The following BRI3 variants were observed in gnomAD, a reference collection of about 807,000 sequenced individuals.
The protein encoded by BRI3 is membrane protein BRI3.
BRI3 carries 6 observed loss-of-function variants against 12.8 expected under a neutral mutation model. The observed-to-expected ratio is 0.47, with a 90% CI of 0.26 to 0.93. The LOEUF (loss-of-function observed/expected upper bound fraction) is 0.93. Ranked by LOEUF, BRI3 falls within the 40% of genes least tolerant of loss-of-function variation. BRI3 has a pLI of 0.15. For missense variants in BRI3, 134 were observed against 171.1 expected, an observed-to-expected ratio of 0.78 and a Z score of 1.21; for synonymous variants, 91 against 76.1, an observed-to-expected ratio of 1.20 and a Z score of -1.02.
chr7:98,315,508 A>C, the BRI3 span: 16 of 1,522,932 alleles, frequency 1.1e-5, no homozygotes, highest in Non-Finnish European at 1.3e-5. Flanking sequence ...AGTGCTTATC[A>C]ACCAGAAAGC....
At chr7:98,293,383 T>A (rs568939734), downstream of BRI3, 6 of 761,698 alleles carry the variant, frequency 7.9e-6, no homozygotes, top group African/African-American at 8.6e-5. Flanking sequence ...CAGAGAAGCA[T>A]GATTTGCTTA....
the BRI3 span, chr7:98,320,143 G>T: frequency 1.9e-6 from 3 of 1,605,540 alleles, no homozygotes; most frequent in Admixed American, 3.4e-5. Flanking sequence ...TTAACAAAAG[G>T]AAATAAATTC....
chr7:98,306,934 A>G (rs771199701), intron 1 of BRI3: 42 of 168,724 alleles, frequency 2.5e-4, no homozygotes, highest in Admixed American at 4.0e-4. Flanking sequence ...TTTTTTTTCC[A>G]TATTGGTTTT....
chr7:98,292,235 C>A, downstream of BRI3: 1 of 244,300 alleles, frequency 4.1e-6, no homozygotes. Flanking sequence ...GTCACAGCCC[C>A]AGCACCCAGC....
At chr7:98,295,027 C>T (rs565960121), downstream of BRI3, among the ~76,000 whole-genome samples, 2 of 152,322 alleles carry the variant, frequency 1.3e-5, no homozygotes, top group East Asian at 3.9e-4. Context: ...CACTGTGTAA[C>T]CAGCCTGTGG....
chr7:98,314,439 A>G (rs529686559), downstream of BRI3, among the ~76,000 whole-genome samples: 7 of 152,336 alleles, frequency 4.6e-5, no homozygotes, highest in African/African-American at 1.7e-4. Context: ...TAACTTTACT[A>G]TGAACAACAA....
chr7:98,290,265 G>T (rs889745838), intron 2 of BRI3, among the ~76,000 whole-genome samples: 16 of 141,400 alleles, frequency 1.1e-4, no homozygotes, highest in African/African-American at 4.0e-4. Context: ...GCACAATCTC[G>T]GCTCACTGCA....
At chr7:98,302,675 A>G (rs1800477402), upstream of BRI3, among the ~76,000 whole-genome samples, 2 of 152,230 alleles carry the variant, frequency 1.3e-5, no homozygotes, top group South Asian at 4.1e-4. Flanking sequence ...AGAGACTGCT[A>G]AGGACAAGAG....
chr7:98,295,776 G>A (rs1800164108), downstream of BRI3, among the ~76,000 whole-genome samples: 1 of 152,086 alleles, frequency 6.6e-6, no homozygotes, highest in African/African-American at 2.4e-5. Flanking sequence ...AGCACACCCC[G>A]GAGCTTGTTC....
At chr7:98,320,117 G>A in the BRI3 span, 3 of 1,612,372 alleles carry the variant, frequency 1.9e-6, no homozygotes, top group Non-Finnish European at 2.5e-6. Flanking sequence ...ATCTCTTTGT[G>A]GAATTTTTTA....
downstream of BRI3, among the ~76,000 whole-genome samples, chr7:98,296,455 G>A (rs1175887844): frequency 1.3e-5 from 2 of 152,010 alleles, no homozygotes; most frequent in African/African-American, 4.8e-5. Flanking sequence ...GAGAAACCCC[G>A]TCTCTACTAA....
At chr7:98,306,354 C>A (rs1041664222), upstream of BRI3, 4 of 1,506,866 alleles carry the variant, frequency 2.7e-6, no homozygotes, top group African/African-American at 2.8e-5. Context: ...GCAGGGCCTG[C>A]GACACAGCTA....
downstream of BRI3, among the ~76,000 whole-genome samples, chr7:98,295,890 AAG>A (rs1800168642): frequency 6.6e-6 from 1 of 152,126 alleles, no homozygotes; most frequent in African/African-American, 2.4e-5. Context: ...GAGGAGGAAA[AAG>A]AACGCTTAAG....
upstream of BRI3, chr7:98,306,386 C>T (rs1023991032): frequency 2.0e-5 from 32 of 1,600,670 alleles, no homozygotes; most frequent in Non-Finnish European, 2.5e-5. Flanking sequence ...GTTACAGAAA[C>T]GACAAGGCAG....
chr7:98,312,849 C>T (rs939786631), downstream of BRI3, among the ~76,000 whole-genome samples: 10 of 152,162 alleles, frequency 6.6e-5, no homozygotes, highest in African/African-American at 2.4e-4. Context: ...GGTGAGAACC[C>T]GCAACCCTGG....
chr7:98,307,046 T>C (rs1189860381), intron 1 of BRI3: 1 of 159,984 alleles, frequency 6.3e-6, no homozygotes, highest in African/African-American at 2.4e-5. Flanking sequence ...GCATTCAAAC[T>C]ACCTACGTGC....
At chr7:98,302,320 G>A (rs1395430007), upstream of BRI3, among the ~76,000 whole-genome samples, 3 of 152,172 alleles carry the variant, frequency 2.0e-5, no homozygotes, top group Non-Finnish European at 4.4e-5. Flanking sequence ...TGGCCAAAGT[G>A]TCAGTGCTCT....
upstream of BRI3, among the ~76,000 whole-genome samples, chr7:98,303,769 C>T (rs1800522095): frequency 6.6e-6 from 1 of 152,274 alleles, no homozygotes. Flanking sequence ...TTAAAGATAA[C>T]ATCCACAGTG....
chr7:98,319,563 T>G, the BRI3 span, among the ~76,000 whole-genome samples: 2 of 151,754 alleles, frequency 1.3e-5, no homozygotes, highest in African/African-American at 4.8e-5. Context: ...TTTTTTTTTT[T>G]TGAGATGGAG....
Sources: allele counts gnomAD v4.1 joint callset (sites outside exome capture counted in the v4.1 genomes callset), GRCh38; gene constraint gnomAD v4.1.1; transcripts MANE v1.5; gene names NCBI Gene and HGNC (gene_info 2026-07-23, HGNC 2026-07-21).